XRN2: variants seen among roughly 807,000 people sequenced by gnomAD.
The protein encoded by XRN2 is 5'-3' exoribonuclease 2, also known as DHM1-like protein.
A neutral mutation model predicts 138.5 loss-of-function variants in XRN2; 44 were observed. That is an observed-to-expected ratio of 0.32 (90% CI 0.25 to 0.41). The LOEUF is 0.41. Ranked by LOEUF, XRN2 falls within the 10% of genes least tolerant of loss-of-function variation. The pLI, the probability that XRN2 is intolerant of heterozygous loss-of-function variation, is 1.00. For synonymous variants in XRN2, 354 were observed against 369.4 expected, an observed-to-expected ratio of 0.96 and a Z score of 0.48; for missense variants, 937 against 1,169.3, an observed-to-expected ratio of 0.80 and a Z score of 2.90.
intron 28 of XRN2, among the ~76,000 whole-genome samples, chr20:21,384,079 A>G (rs943182548): frequency 2.0e-5 from 3 of 152,184 alleles, no homozygotes; most frequent in Non-Finnish European, 4.4e-5. Flanking sequence ...TTTCTTGAAT[A>G]ATTTCCTACT....
intron 29 of XRN2, 72 bp from the exon 30 acceptor site, chr20:21,389,201 A>G: frequency 5.1e-6 from 7 of 1,361,584 alleles, no homozygotes; most frequent in Non-Finnish European, 7.2e-6. Flanking sequence ...GTTTTTCCAT[A>G]GAGGTTTAAA....
At chr20:21,365,891 T>C (rs1244611829) in intron 26 of XRN2, among the ~76,000 whole-genome samples, 187 bp downstream of exon 26, 4 of 127,682 alleles carry the variant, frequency 3.1e-5, no homozygotes, top group Admixed American at 9.8e-5. Flanking sequence ...TTATATAATA[T>C]ATAATTATAT....
chr20:21,335,205 A>G (rs890253487), intron 13 of XRN2, among the ~76,000 whole-genome samples: 6 of 152,164 alleles, frequency 3.9e-5, no homozygotes, highest in African/African-American at 1.4e-4. Context: ...GGAGTGGAGG[A>G]GCAGCAGCCT....
chr20:21,351,580 A>G (rs2038510734), intron 20 of XRN2, among the ~76,000 whole-genome samples: 3 of 152,282 alleles, frequency 2.0e-5, no homozygotes, highest in Admixed American at 6.5e-5. Context: ...GATGCACACA[A>G]GTTTTTAATT....
intron 24 of XRN2, among the ~76,000 whole-genome samples, chr20:21,359,406 C>T (rs1216594279): frequency 6.6e-6 from 1 of 151,626 alleles, no homozygotes; most frequent in East Asian, 1.9e-4. Flanking sequence ...CATGGTGGTG[C>T]ATGCCTATAG....
intron 24 of XRN2, among the ~76,000 whole-genome samples, chr20:21,359,070 T>G (rs2038607496): frequency 6.6e-6 from 1 of 152,182 alleles, no homozygotes; most frequent in African/African-American, 2.4e-5. Flanking sequence ...AATAGTTAAT[T>G]CTACTTAACT....
intron 27 of XRN2, among the ~76,000 whole-genome samples, chr20:21,368,869 A>G (rs1024150696): frequency 3.3e-5 from 5 of 152,214 alleles, no homozygotes; most frequent in Non-Finnish European, 7.3e-5. Flanking sequence ...ATCAGGGTAG[A>G]TGGGGTATCC....
In XRN2 at chr20:21,303,383, C is replaced by A; in HGVS notation, c.-16C>A. ...CTCGTCAGCCGGTCGGCCGCCGCCT[C>A]CAGCCGTGTGCCGCTATGGGAGTCC... On this transcript the variant is annotated 5_prime_UTR_variant, in exon 1 of 30. Transcript: ENST00000377191. 1.3e-6 allele frequency: 2 copies of A among 1,546,746 alleles called. No individual in the cohort carries two copies. Among genetic ancestry groups the A allele is most frequent in the Non-Finnish European group, 1.7e-6 (2 of 1,145,478 alleles).
At chr20:21,318,922 T>G (rs1240834413) in intron 1 of XRN2, among the ~76,000 whole-genome samples, 1 of 152,170 alleles carries the variant, frequency 6.6e-6, no homozygotes, top group East Asian at 1.9e-4. Flanking sequence ...CTGTTAGGTC[T>G]CTGTTGATAG....
intron 20 of XRN2, 70 bp from the exon 21 acceptor site, chr20:21,354,719 C>T (rs1392435389): frequency 1.1e-5 from 16 of 1,419,362 alleles, no homozygotes; most frequent in Admixed American, 3.6e-5. Flanking sequence ...ACGTTCATTT[C>T]GAGCAATGAT....
intron 27 of XRN2, among the ~76,000 whole-genome samples, chr20:21,372,897 A>T (rs943539863): frequency 1.3e-5 from 2 of 152,054 alleles, no homozygotes; most frequent in Admixed American, 1.3e-4. Context: ...TTTTAACATT[A>T]CCTAATAGTT....
chr20:21,389,142 C>A, intron 29 of XRN2, 131 bp from the exon 30 acceptor site: 1 of 716,536 alleles, frequency 1.4e-6, no homozygotes, highest in Non-Finnish European at 2.2e-6. Context: ...TTTTATGGGG[C>A]CTTTCCATGT....
chr20:21,372,450 G>C (rs2038773745), intron 27 of XRN2, among the ~76,000 whole-genome samples: 1 of 151,994 alleles, frequency 6.6e-6, no homozygotes, highest in African/African-American at 2.4e-5. Context: ...GGGGAGGAGA[G>C]CTAATTTTTA....
At position 21,333,711 on chromosome 20, in the gene XRN2, A is replaced by G; in HGVS notation, c.941A>G (p.Glu314Gly). 6.2e-7 allele frequency: 1 copy of G among 1,614,080 alleles called. No homozygotes were observed. The highest frequency in any genetic ancestry group is 8.5e-7 in the Non-Finnish European group (1 of 1,180,002). ...LRLNVLREYL[E>G]RELTMASLPF... is the part of the protein sequence containing the mutation. Reference sequence around the variant, plus strand: ...ATTCCTTTTTGGTTGTAGTATTTGGAAAGAGAACTCACAATGGCCAGCCTA... The same window carrying G: ...ATTCCTTTTTGGTTGTAGTATTTGGGAAGAGAACTCACAATGGCCAGCCTA... The change falls in exon 11 of 30, where the codon GAA becomes GGA. Residue 314 changes from glutamate to glycine, a missense_variant. Glu to Gly is a moderately conservative substitution (Grantham distance 98). This residue lies in a region of XRN2 where 471 missense variants were observed against 581.2 expected (regional missense o/e 0.81). Coordinates refer to ENST00000377191, the MANE Select transcript of XRN2 (RefSeq NM_012255.5).
At chr20:21,308,894 TCTC>T (rs147515387) in intron 1 of XRN2, among the ~76,000 whole-genome samples, 7,961 of 152,252 alleles carry the variant, frequency 0.052, 309 homozygotes, top group Middle Eastern at 0.092. Flanking sequence ...AAAGCCAAGG[TCTC>T]CTGTGTTTTC....
chr20:21,324,918 A>G (rs899612683), intron 1 of XRN2, among the ~76,000 whole-genome samples: 3 of 152,210 alleles, frequency 2.0e-5, no homozygotes, highest in Admixed American at 6.5e-5. Context: ...AATCATCACT[A>G]TTATCTGATT....
chr20:21,316,493 T>C (rs2037961009), intron 1 of XRN2, among the ~76,000 whole-genome samples: 2 of 152,200 alleles, frequency 1.3e-5, no homozygotes, highest in African/African-American at 4.8e-5. Flanking sequence ...TAGTCCAGCT[T>C]CACTTTCTTG....
intron 14 of XRN2, 118 bp from the exon 15 acceptor site, chr20:21,340,603 A>T: frequency 8.8e-7 from 1 of 1,135,250 alleles, no homozygotes; most frequent in Non-Finnish European, 1.2e-6. Context: ...TTGGTTTTTT[A>T]GTGAGTTTTG....
chr20:21,326,650 G>A, intron 3 of XRN2, 49 bp downstream of exon 3: 1 of 1,428,674 alleles, frequency 7.0e-7, no homozygotes. Context: ...TTTTTGCTGT[G>A]TTACCAGTGT....
Sources: allele counts gnomAD v4.1 joint callset (sites outside exome capture counted in the v4.1 genomes callset), GRCh38; gene constraint gnomAD v4.1.1; regional missense constraint gnomAD v4.1.1; transcripts MANE v1.5; gene names NCBI Gene and HGNC (gene_info 2026-07-23, HGNC 2026-07-21).